The following SHLD2 variants were observed in gnomAD, a reference collection of about 807,000 sequenced individuals.
SHLD2 encodes shieldin complex subunit 2, also known as RINN1-REV7-interacting novel NHEJ regulator 2.
A neutral mutation model predicts 73.2 loss-of-function variants in SHLD2; 30 were observed. That is an observed-to-expected ratio of 0.41 (90% CI 0.31 to 0.56). The LOEUF is 0.56. Ranked by LOEUF, SHLD2 falls within the 20% of genes least tolerant of loss-of-function variation. SHLD2 has a pLI of 0.28. For missense variants in SHLD2, 745 were observed against 1,055.9 expected (o/e 0.71, Z 4.08); for synonymous variants, 285 against 370.1 (o/e 0.77, Z 2.64).
At chr10:87,096,334 C>T (rs1275020439) in intron 1 of SHLD2, among the ~76,000 whole-genome samples, 2 of 152,082 alleles carry the variant, frequency 1.3e-5, no homozygotes, top group African/African-American at 2.4e-5. Flanking sequence ...CGTGAGCCAC[C>T]GCGCCTGGCC....
At chr10:87,114,014 A>AAC (rs1214786509) in intron 2 of SHLD2, 1 of 151,968 alleles carries the variant, frequency 6.6e-6, no homozygotes, top group African/African-American at 2.4e-5. Flanking sequence ...GAAAAAAAAA[A>AAC]AGATAAATTA....
At position 87,190,993 on chromosome 10, in the gene SHLD2, C is replaced by T; in HGVS notation, c.*310C>T. The T allele has an allele frequency of 2.6e-6, 1 of 381,806 alleles. No individual in the cohort carries two copies. The highest frequency in any genetic ancestry group is 2.6e-5 in the South Asian group (1 of 38,256). The allele number at this position is 381,806 out of a possible 1,614,324, so 23.7% of individuals were successfully genotyped here. A position where few individuals can be genotyped will look rare whatever the true frequency, so the allele number is the denominator to read the frequency against. On this transcript the variant is annotated 3_prime_UTR_variant, in exon 10 of 10. Transcript: ENST00000298786. ...CACTGTATTTAGTCCCTGCTACATT[C>T]CAGGCATTGTACTAAGTATGGGGAA...
rs376293430 is a variant in SHLD2 at position 87,110,934 on chromosome 10, C to T, written c.-6+13945C>T. On this transcript the variant is annotated intron_variant, in intron 2 of 9. Coordinates refer to ENST00000298786, the MANE Select transcript of SHLD2 (RefSeq NM_001330112.2). The stretch of plus-strand genomic sequence containing the variant: ...TCTTGGTTCACTGCAACCTCTGCCT[C>T]CCGGGTTCAAGCGATTCTCCTGCCT... Among the ~76,000 whole-genome samples, 5 of 151,276 alleles carry T rather than the reference C, an allele frequency of 3.3e-5. No homozygotes were observed. The East Asian group carries it at 9.9e-4, about 30-fold the overall frequency.
chr10:87,146,448 C>A (rs1234709364), intron 2 of SHLD2, among the ~76,000 whole-genome samples: 1 of 152,006 alleles, frequency 6.6e-6, no homozygotes, highest in Non-Finnish European at 1.5e-5. Flanking sequence ...TGTGTGCCAT[C>A]ACTCCAAGCT....
chr10:87,141,500 C>G (rs1332073370), intron 2 of SHLD2, among the ~76,000 whole-genome samples: 2 of 152,042 alleles, frequency 1.3e-5, no homozygotes, highest in Non-Finnish European at 2.9e-5. Context: ...TGCCACCACA[C>G]CCAGCTAATT....
upstream of SHLD2, chr10:87,094,831 C>G: frequency 7.6e-7 from 1 of 1,314,064 alleles, no homozygotes; most frequent in South Asian, 1.3e-5. This position sits in a 1 kb window ranked among gnomAD's most constrained non-coding sequence, Gnocchi z 6.6. Context: ...TCAGACTCCC[C>G]GCGACTAGGG....
chr10:87,132,986 G>C (rs1460136799), intron 2 of SHLD2, among the ~76,000 whole-genome samples: 1 of 151,844 alleles, frequency 6.6e-6, no homozygotes, highest in Non-Finnish European at 1.5e-5. Flanking sequence ...ATTTGTTGAA[G>C]GGCTCAATGG....
chr10:87,176,796 GACAAT>G (rs1847979023), intron 7 of SHLD2, among the ~76,000 whole-genome samples: 1 of 152,136 alleles, frequency 6.6e-6, no homozygotes, highest in Non-Finnish European at 1.5e-5. Flanking sequence ...AGAAAACAAA[GACAAT>G]ACCTCTCAAA....
intron 2 of SHLD2, among the ~76,000 whole-genome samples, chr10:87,131,422 G>A (rs1844420448): frequency 6.6e-6 from 1 of 152,082 alleles, no homozygotes; most frequent in South Asian, 2.1e-4. Context: ...TGTTTCTATG[G>A]ATTTGCCTTT....
intron 2 of SHLD2, among the ~76,000 whole-genome samples, chr10:87,146,831 C>A (rs1388712611): frequency 6.6e-6 from 1 of 151,726 alleles, no homozygotes; most frequent in East Asian, 2.0e-4. Context: ...CCGAAGCAGG[C>A]GGATCAGCTG....
rs1307428722 is a variant in SHLD2, at chr10:87,187,187, C to T, written c.2502C>T (p.Leu834=). ...TTCTCAACATTTCTGCAGACTGCCT[C>T]AACAGAGTGATAGGTAATATATCAG... The part of the protein sequence containing the change: ...KILLNISADC[L]NRVIVPSSEI... Residue 834 remains leucine (L), a synonymous_variant, in exon 9 of 10, where the codon CTC becomes CTT. Coordinates refer to ENST00000298786, the MANE Select transcript of SHLD2 (RefSeq NM_001330112.2). The T allele has an allele frequency of 1.3e-6, 2 of 1,591,808 alleles. No individual in the cohort carries two copies. The highest frequency in any genetic ancestry group is 1.1e-5 in the South Asian group (1 of 90,602).
intron 9 of SHLD2, among the ~76,000 whole-genome samples, chr10:87,188,644 A>C (rs1283143003): frequency 1.3e-5 from 2 of 152,150 alleles, no homozygotes; most frequent in Non-Finnish European, 2.9e-5. Flanking sequence ...ATTAATAAAA[A>C]TTAATCACAT....
rs767322123 is a variant in SHLD2 at position 87,170,666 on chromosome 10, C to G, written c.1822C>G (p.Leu608Val). ...ACTAAGAGTTGTTGATTTCACTATA[C>G]TGACAGGTAAATATTTTGACTGCCT... ...AVLRVVDFTI[L>V]TEAVYSYRGQ... Residue 608 changes from leucine to valine, a missense_variant, in exon 5 of 10, where the codon CTG (leucine) becomes GTG (valine). Coordinates refer to ENST00000298786, the MANE Select transcript of SHLD2 (RefSeq NM_001330112.2). 1 of 1,602,748 alleles carries G rather than the reference C, an allele frequency of 6.2e-7. No individual in the cohort carries two copies. The highest frequency in any genetic ancestry group is 8.5e-7 in the Non-Finnish European group (1 of 1,176,070).
At chr10:87,141,572 G>A (rs1845199736) in intron 2 of SHLD2, among the ~76,000 whole-genome samples, 1 of 151,984 alleles carries the variant, frequency 6.6e-6, no homozygotes, top group South Asian at 2.1e-4. Flanking sequence ...TCAAATTCTG[G>A]TGTTCTATTG....
At chr10:87,098,342 C>T (rs962334386) in intron 2 of SHLD2, among the ~76,000 whole-genome samples, 2 of 151,864 alleles carry the variant, frequency 1.3e-5, no homozygotes, top group African/African-American at 4.8e-5. Flanking sequence ...GGAGAAACCC[C>T]ATCTGTACTA....
intron 2 of SHLD2, among the ~76,000 whole-genome samples, chr10:87,131,183 A>G (rs1228640021): frequency 6.6e-6 from 1 of 150,420 alleles, no homozygotes; most frequent in Non-Finnish European, 1.5e-5. Context: ...CTTATTTCTA[A>G]TTTTTTTTTT....
chr10:87,179,439 TC>T (rs1372639832), intron 7 of SHLD2, among the ~76,000 whole-genome samples: 4 of 152,002 alleles, frequency 2.6e-5, no homozygotes, highest in Admixed American at 2.6e-4. Flanking sequence ...TCTTGCTCTT[TC>T]GCCCAGGCCG....
chr10:87,145,411 G>A (rs1187033170), intron 2 of SHLD2, among the ~76,000 whole-genome samples: 4 of 152,006 alleles, frequency 2.6e-5, no homozygotes, highest in Non-Finnish European at 4.4e-5. Context: ...TCAAGTTTGA[G>A]TAAGTTGCAG....
rs1288477800 is a variant in SHLD2, at chr10:87,150,345, T to C, written c.-5-1005T>C. On this transcript the variant is annotated intron_variant, in intron 2 of 9. Coordinates refer to ENST00000298786, the MANE Select transcript of SHLD2 (RefSeq NM_001330112.2). ...TCCCAAAGTGCTGCGATTACAGGCA[T>C]GAACCACTGTGCTCTGCCCCAAAAT... is the stretch of plus-strand genomic sequence containing the variant. 2.0e-5 allele frequency among the ~76,000 whole-genome samples: 3 copies of C among 152,106 alleles called. No individual in the cohort carries two copies. The East Asian group carries it at 5.8e-4, about 29-fold the overall frequency.
Sources: allele counts gnomAD v4.1 joint callset (sites outside exome capture counted in the v4.1 genomes callset), GRCh38; gene constraint gnomAD v4.1.1; non-coding constraint Gnocchi (gnomAD v3.1); transcripts MANE v1.5; gene names NCBI Gene and HGNC (gene_info 2026-07-23, HGNC 2026-07-21).